The following SCRG1 variants were observed in gnomAD, a reference collection of about 807,000 sequenced individuals.
SCRG1 encodes scrapie-responsive protein 1.
A neutral mutation model predicts 7.7 loss-of-function variants in SCRG1; 3 were observed. That is an observed-to-expected ratio of 0.39 (90% CI 0.18 to 1.01). The LOEUF is 1.01. Among genes scored for constraint, SCRG1 ranks in the 50% least tolerant of loss-of-function variants. SCRG1 has a pLI of 0.36. For missense variants in SCRG1, 110 were observed against 117.2 expected, an observed-to-expected ratio of 0.94 and a Z score of 0.28; for synonymous variants, 46 against 41.2, an observed-to-expected ratio of 1.12 and a Z score of -0.44.
chr4:173,513,337 A>G, the SCRG1 span, among the ~76,000 whole-genome samples: 1 of 152,162 alleles, frequency 6.6e-6, no homozygotes, highest in African/African-American at 2.4e-5. Context: ...CTTTCCCAAG[A>G]GAAGATCCCT....
At chr4:173,443,165 A>T in the SCRG1 span, among the ~76,000 whole-genome samples, 74 of 152,150 alleles carry the variant, frequency 4.9e-4, no homozygotes, top group Non-Finnish European at 9.0e-4. Context: ...TTTACCTTCT[A>T]CCATGAATGC....
chr4:173,441,518 T>C, the SCRG1 span, among the ~76,000 whole-genome samples: 1 of 152,206 alleles, frequency 6.6e-6, no homozygotes, highest in Admixed American at 6.5e-5. Flanking sequence ...TATTTTTCTC[T>C]AATTTTGGGT....
chr4:173,503,907 G>A, the SCRG1 span, among the ~76,000 whole-genome samples: 6 of 152,284 alleles, frequency 3.9e-5, no homozygotes, highest in South Asian at 2.1e-4. The surrounding 1 kb of genome is among the most constrained non-coding windows in gnomAD (Gnocchi z 6.4). Context: ...GGGAAGAAGC[G>A]GGGTGCGTGG....
chr4:173,459,109 T>C, the SCRG1 span, among the ~76,000 whole-genome samples: 1 of 152,184 alleles, frequency 6.6e-6, no homozygotes, highest in South Asian at 2.1e-4. Context: ...AACACCCAGA[T>C]ACATAAAGCA....
rs1487834563 is a variant in SCRG1 at position 173,387,062 on chromosome 4, TA to T, written c.*1278del. ...TGAAGTTCCCTGTTTTATTTACTTT[TA>T]AAATGTATGATACTTTTAAATTCTC... On this transcript the variant is annotated 3_prime_UTR_variant, in exon 3 of 3. Coordinates refer to ENST00000296506, the MANE Select transcript of SCRG1 (RefSeq NM_007281.4). 6.6e-6 allele frequency: 1 copy of T among 152,242 alleles called. No individual in the cohort carries two copies. Among genetic ancestry groups the T allele is most frequent in the African/African-American group, 2.4e-5 (1 of 41,474 alleles). 9.4% of individuals were successfully genotyped at this position (152,242 alleles called of 1,614,324 possible).
At chr4:173,419,862 G>A in the SCRG1 span, 1 of 1,167,222 alleles carries the variant, frequency 8.6e-7, no homozygotes, top group Non-Finnish European at 1.3e-6. Context: ...CTGCGGGCCA[G>A]CAGCAGGCCA....
intron 1 of SCRG1, among the ~76,000 whole-genome samples, chr4:173,394,605 AC>A (rs1739547007): frequency 6.6e-6 from 1 of 152,126 alleles, no homozygotes; most frequent in Non-Finnish European, 1.5e-5. Context: ...GATCTGTGCC[AC>A]TGCACCTGAG....
chr4:173,508,917 C>T, the SCRG1 span, among the ~76,000 whole-genome samples: 1 of 152,218 alleles, frequency 6.6e-6, no homozygotes, highest in Non-Finnish European at 1.5e-5. This position sits in a 1 kb window ranked among gnomAD's most constrained non-coding sequence, Gnocchi z 4.4. Flanking sequence ...TGTCCCTGCA[C>T]TCTGACAGTT....
the SCRG1 span, among the ~76,000 whole-genome samples, chr4:173,450,716 C>T: frequency 2.0e-5 from 3 of 152,162 alleles, no homozygotes; most frequent in Non-Finnish European, 2.9e-5. Flanking sequence ...GCCTTATTAG[C>T]GATTTAACCT....
the SCRG1 span, among the ~76,000 whole-genome samples, chr4:173,456,584 C>T: frequency 6.6e-6 from 1 of 152,096 alleles, no homozygotes; most frequent in Non-Finnish European, 1.5e-5. Flanking sequence ...AAACCTCAAA[C>T]TTTTTGTTAT....
At chr4:173,390,766 G>T (rs1466787727) in intron 2 of SCRG1, among the ~76,000 whole-genome samples, 1 of 152,194 alleles carries the variant, frequency 6.6e-6, no homozygotes, top group African/African-American at 2.4e-5. Context: ...TGGGATTACA[G>T]GCGTGAGCCA....
the SCRG1 span, among the ~76,000 whole-genome samples, chr4:173,501,355 G>A: frequency 6.6e-6 from 1 of 152,160 alleles, no homozygotes; most frequent in Admixed American, 6.5e-5. The surrounding 1 kb of genome is among the most constrained non-coding windows in gnomAD (Gnocchi z 5.1). Flanking sequence ...GCACTTCTGC[G>A]TTTGCTCTCG....
chr4:173,519,076 C>T, the SCRG1 span, among the ~76,000 whole-genome samples: 1 of 151,282 alleles, frequency 6.6e-6, no homozygotes, highest in Non-Finnish European at 1.5e-5. Context: ...ACGCTATTAG[C>T]AGCCAGGTAG....
the SCRG1 span, among the ~76,000 whole-genome samples, chr4:173,445,170 A>G: frequency 6.6e-6 from 1 of 152,220 alleles, no homozygotes; most frequent in African/African-American, 2.4e-5. Flanking sequence ...AAATTGATGA[A>G]TTAGAGCAAT....
intron 1 of SCRG1, among the ~76,000 whole-genome samples, chr4:173,395,022 G>T (rs35746517): frequency 6.6e-6 from 1 of 151,808 alleles, no homozygotes; most frequent in African/African-American, 2.4e-5. Context: ...TTCCATTATG[G>T]TCTTTCTATA....
the SCRG1 span, among the ~76,000 whole-genome samples, chr4:173,514,434 T>G: frequency 2.6e-5 from 4 of 152,236 alleles, no homozygotes; most frequent in African/African-American, 9.6e-5. Flanking sequence ...CTCAGAGCAC[T>G]CCCCTTCACA....
the SCRG1 span, among the ~76,000 whole-genome samples, chr4:173,501,933 C>T: frequency 3.9e-4 from 60 of 152,274 alleles, no homozygotes; most frequent in Non-Finnish European, 4.0e-4. The surrounding 1 kb of genome is among the most constrained non-coding windows in gnomAD (Gnocchi z 5.1). Context: ...TCAGCACCTA[C>T]TTTGTGCTCA....
the SCRG1 span, among the ~76,000 whole-genome samples, chr4:173,444,537 T>C: frequency 1.3e-5 from 2 of 152,340 alleles, no homozygotes; most frequent in Non-Finnish European, 1.5e-5. Flanking sequence ...TTTACAACAA[T>C]AGGCTGTGGG....
the SCRG1 span, among the ~76,000 whole-genome samples, chr4:173,466,194 A>C: frequency 6.6e-6 from 1 of 152,212 alleles, no homozygotes; most frequent in Non-Finnish European, 1.5e-5. Context: ...TATTTGGTAC[A>C]TAAATTTGTC....
Sources: gnomAD v4.1 joint callset for allele counts (sites outside exome capture counted in the v4.1 genomes callset) on GRCh38, gnomAD v4.1.1 for gene constraint, Gnocchi (gnomAD v3.1) non-coding constraint, MANE v1.5 for transcripts, NCBI Gene and HGNC (gene_info 2026-07-23, HGNC 2026-07-21) for gene names.